The following MAP2 variants were observed in gnomAD, a reference collection of about 807,000 sequenced individuals.
The protein encoded by MAP2 is microtubule associated protein 2, also known as microtubule-associated protein 2.
A neutral mutation model predicts 137.6 loss-of-function variants in MAP2; 14 were observed. The ratio of observed to expected loss-of-function variants is 0.10; its 90% confidence interval spans 0.07 to 0.16. MAP2 has a LOEUF of 0.16. Ranked by LOEUF, MAP2 falls within the 10% of genes least tolerant of loss-of-function variation. The pLI is 1.00. For synonymous variants in MAP2, 786 were observed against 782.3 expected (o/e 1.00, Z -0.08); for missense variants, 2,088 against 2,191.5 (o/e 0.95, Z 0.94).
intron 2 of MAP2, among the ~76,000 whole-genome samples, chr2:209,539,720 T>TA (rs148937749): frequency 0.028 from 4,223 of 151,920 alleles, 192 homozygotes; most frequent in African/African-American, 0.096. Flanking sequence ...GCTTTTTTTT[T>TA]ATGTCTGTGA....
At chr2:209,573,863 T>A (rs1023306950) in intron 2 of MAP2, among the ~76,000 whole-genome samples, 3 of 152,200 alleles carry the variant, frequency 2.0e-5, no homozygotes, top group Non-Finnish European at 4.4e-5. Context: ...GTATTTCATA[T>A]AAATGGAATT....
rs560126704 is a variant in MAP2 at position 209,600,926 on chromosome 2, C to G, written c.-107+20826C>G. On this transcript the variant is annotated intron_variant, in intron 3 of 15. Coordinates refer to ENST00000682079, the MANE Select transcript of MAP2 (RefSeq NM_001375505.1). ...TACACTTTCTTTACATGCACAGATT[C>G]TTGCTCAGTTTTTTATGGCTAAGCA... Among the ~76,000 whole-genome samples, 8 of 152,296 alleles carry G rather than the reference C, an allele frequency of 5.3e-5. No homozygotes were observed. In the East Asian group the frequency reaches 1.4e-3, roughly 26 times the overall value.
At chr2:209,593,634 A>AAAAATAT (rs1286103137) in intron 3 of MAP2, among the ~76,000 whole-genome samples, 10 of 33,636 alleles carry the variant, frequency 3.0e-4, no homozygotes, top group Admixed American at 5.4e-4. Flanking sequence ...AAAAAAAAAA[A>AAAAATAT]ATATATATAT....
At chr2:209,615,980 CT>C (rs778820141) in intron 3 of MAP2, among the ~76,000 whole-genome samples, 1 of 152,202 alleles carries the variant, frequency 6.6e-6, no homozygotes, top group Non-Finnish European at 1.5e-5. Flanking sequence ...ACAGGCAGAA[CT>C]TTCCCACCTT....
intron 3 of MAP2, among the ~76,000 whole-genome samples, chr2:209,590,015 G>A (rs2078815941): frequency 6.6e-6 from 1 of 152,062 alleles, no homozygotes; most frequent in Non-Finnish European, 1.5e-5. Flanking sequence ...CTGAGTTAGG[G>A]TCAAGGTGGA....
chr2:209,527,482 G>A (rs188095547), intron 2 of MAP2, among the ~76,000 whole-genome samples: 32 of 151,996 alleles, frequency 2.1e-4, no homozygotes, highest in Admixed American at 7.2e-4. Flanking sequence ...TCTTCCCCTC[G>A]CAGCCGTGTA....
chr2:209,522,197 G>A (rs2063379028), intron 2 of MAP2, among the ~76,000 whole-genome samples: 2 of 151,880 alleles, frequency 1.3e-5, no homozygotes, highest in Non-Finnish European at 2.9e-5. Flanking sequence ...AATATATTCA[G>A]TAAAGACAGT....
chr2:209,442,020 A>G (rs1168775550), intron 1 of MAP2, among the ~76,000 whole-genome samples: 2 of 151,576 alleles, frequency 1.3e-5, no homozygotes, highest in South Asian at 2.1e-4. Context: ...GATTGTCTAT[A>G]TTAATTATTG....
intron 2 of MAP2, among the ~76,000 whole-genome samples, chr2:209,528,103 C>T (rs1178347387): frequency 7.0e-6 from 1 of 142,256 alleles, no homozygotes; most frequent in Non-Finnish European, 1.6e-5. Flanking sequence ...CATCTTCCCC[C>T]CCTGCCCACC....
chr2:209,678,769 CA>C, intron 6 of MAP2, 84 bp downstream of exon 6: 10 of 699,900 alleles, frequency 1.4e-5, no homozygotes, highest in Non-Finnish European at 2.3e-5. Context: ...AAAGATAGGC[CA>C]TATCTTGTAC....
At chr2:209,652,154 A>G (rs547696518) in intron 4 of MAP2, among the ~76,000 whole-genome samples, 1 of 152,306 alleles carries the variant, frequency 6.6e-6, no homozygotes, top group Admixed American at 6.5e-5. Context: ...TTATATATCT[A>G]AACTTGGTAA....
At chr2:209,459,795 T>G (rs558878417) in intron 1 of MAP2, among the ~76,000 whole-genome samples, 1 of 152,296 alleles carries the variant, frequency 6.6e-6, no homozygotes, top group African/African-American at 2.4e-5. Context: ...GGCCCTAGTC[T>G]TCATGCCTGC....
At chr2:209,435,929 TTATATATATAATATATAC>T (rs1559158947) in intron 1 of MAP2, among the ~76,000 whole-genome samples, 1 of 82,382 alleles carries the variant, frequency 1.2e-5, no homozygotes, top group East Asian at 7.6e-4. Context: ...AATATATATA[TTATATATATAATATATAC>T]TATATATACA....
At chr2:209,658,610 G>A (rs576352678) in intron 5 of MAP2, among the ~76,000 whole-genome samples, 4 of 151,994 alleles carry the variant, frequency 2.6e-5, no homozygotes, top group Middle Eastern at 6.8e-3. Flanking sequence ...GGGTTCAAGC[G>A]ATTCTCTTGC....
chr2:209,638,800 C>T (rs1001260408), intron 4 of MAP2, among the ~76,000 whole-genome samples: 7 of 152,036 alleles, frequency 4.6e-5, no homozygotes, highest in African/African-American at 1.7e-4. Context: ...ACAGTGTAAG[C>T]AGTTTATGGT....
At chr2:209,533,484 A>T (rs559801722) in intron 2 of MAP2, among the ~76,000 whole-genome samples, 1 of 152,344 alleles carries the variant, frequency 6.6e-6, no homozygotes, top group East Asian at 1.9e-4. Flanking sequence ...TTCAGTACAA[A>T]CATTTTAGAA....
chr2:209,643,992 G>C (rs544490392), intron 4 of MAP2, among the ~76,000 whole-genome samples: 111 of 152,258 alleles, frequency 7.3e-4, no homozygotes, highest in African/African-American at 2.4e-3. Context: ...CTTTTCTGAG[G>C]TCCTATGCAG....
chr2:209,674,092 C>A (rs2050138594), intron 5 of MAP2, among the ~76,000 whole-genome samples: 1 of 151,682 alleles, frequency 6.6e-6, no homozygotes, highest in Non-Finnish European at 1.5e-5. Flanking sequence ...TTACTTCTCT[C>A]ATATCTTTGC....
chr2:209,452,574 A>G (rs1186649166), intron 1 of MAP2, among the ~76,000 whole-genome samples: 1 of 152,236 alleles, frequency 6.6e-6, no homozygotes, highest in African/African-American at 2.4e-5. Context: ...AACAAAGTGC[A>G]TCTTTCGAAT....
Sources: allele counts gnomAD v4.1 joint callset (sites outside exome capture counted in the v4.1 genomes callset), GRCh38; gene constraint gnomAD v4.1.1; transcripts MANE v1.5; gene names NCBI Gene and HGNC (gene_info 2026-07-23, HGNC 2026-07-21).